LINGO2: variants seen among roughly 807,000 people sequenced by gnomAD.
LINGO2 encodes the protein leucine-rich repeat and immunoglobulin-like domain-containing nogo receptor-interacting protein 2.
A neutral mutation model predicts 30.6 loss-of-function variants in LINGO2; 14 were observed. The ratio of observed to expected loss-of-function variants is 0.46; its 90% CI spans 0.30 to 0.72. LINGO2 has a LOEUF of 0.72. LINGO2 is among the 30% of genes least tolerant of loss of function. LINGO2 has a pLI of 0.07. For missense variants in LINGO2, 729 were observed against 751.7 expected, an observed-to-expected ratio of 0.97 and a Z score of 0.35; for synonymous variants, 317 against 288.5, an observed-to-expected ratio of 1.10 and a Z score of -1.00.
the LINGO2 span, among the ~76,000 whole-genome samples, chr9:28,913,216 T>A: frequency 4.6e-5 from 7 of 152,124 alleles, no homozygotes; most frequent in Non-Finnish European, 7.4e-5. Flanking sequence ...GTTATCATCA[T>A]AATAATTCCA....
intron 4 of LINGO2, among the ~76,000 whole-genome samples, chr9:28,230,362 T>C (rs750573577): frequency 6.6e-6 from 1 of 151,888 alleles, no homozygotes; most frequent in Non-Finnish European, 1.5e-5. Flanking sequence ...GTAATTACAA[T>C]CAAATGACAA....
chr9:28,839,899 G>A, the LINGO2 span, among the ~76,000 whole-genome samples: 81 of 152,234 alleles, frequency 5.3e-4, 2 homozygotes, highest in East Asian at 0.012. Context: ...GGCTAGCACT[G>A]AGCTTCCCTC....
chr9:29,186,781 A>G, the LINGO2 span, among the ~76,000 whole-genome samples: 3 of 152,038 alleles, frequency 2.0e-5, no homozygotes, highest in East Asian at 5.8e-4. Context: ...AGGCAATGCC[A>G]ATTTTCTCAT....
the LINGO2 span, among the ~76,000 whole-genome samples, chr9:28,944,992 C>G: frequency 1.1e-4 from 16 of 152,126 alleles, no homozygotes; most frequent in Non-Finnish European, 2.2e-4. Flanking sequence ...AAGTGTTCAG[C>G]AGCTTAAACA....
At chr9:28,956,555 A>C in the LINGO2 span, among the ~76,000 whole-genome samples, 1 of 146,616 alleles carries the variant, frequency 6.8e-6, no homozygotes, top group South Asian at 2.3e-4. Flanking sequence ...TTTGACAAAT[A>C]TTTCCTTCCT....
At chr9:28,705,353 T>A in the LINGO2 span, among the ~76,000 whole-genome samples, 1 of 152,234 alleles carries the variant, frequency 6.6e-6, no homozygotes, top group South Asian at 2.1e-4. Flanking sequence ...CTATAATCTC[T>A]GTCTTTTAGT....
the LINGO2 span, among the ~76,000 whole-genome samples, chr9:28,860,679 T>C: frequency 1.4e-5 from 1 of 70,010 alleles, no homozygotes; most frequent in Non-Finnish European, 2.6e-5. Flanking sequence ...ATATATTTCA[T>C]ATATATATAT....
At chr9:28,578,950 C>A (rs17776015) in intron 1 of LINGO2, among the ~76,000 whole-genome samples, 5,568 of 152,034 alleles carry the variant, frequency 0.037, 124 homozygotes, top group African/African-American at 0.049. Flanking sequence ...GATGCCATCA[C>A]ATAAATGCAT....
chr9:28,645,763 G>T (rs1827809619), intron 1 of LINGO2, among the ~76,000 whole-genome samples: 1 of 152,058 alleles, frequency 6.6e-6, no homozygotes, highest in Admixed American at 6.6e-5. Flanking sequence ...TCTAATATCA[G>T]ACTATAATCA....
the LINGO2 span, among the ~76,000 whole-genome samples, chr9:29,211,793 C>A: frequency 2.6e-5 from 4 of 152,118 alleles, no homozygotes; most frequent in Admixed American, 6.5e-5. Flanking sequence ...TCAAAGCGGG[C>A]ACAGCAGGTC....
intron 1 of LINGO2, among the ~76,000 whole-genome samples, chr9:28,577,308 C>A (rs997156367): frequency 2.1e-4 from 32 of 152,080 alleles, no homozygotes; most frequent in Non-Finnish European, 7.4e-5. Context: ...TCTTTTCAGA[C>A]TTTTGCATTT....
chr9:28,552,496 A>G (rs1276556740), intron 1 of LINGO2, among the ~76,000 whole-genome samples: 1 of 152,016 alleles, frequency 6.6e-6, no homozygotes, highest in Non-Finnish European at 1.5e-5. Flanking sequence ...AAGCTTAAAT[A>G]TTTCCTTTCT....
rs1041839570 is a variant in LINGO2 at position 27,992,538 on chromosome 9, T to A, written c.-36+19817A>T. Among the ~76,000 whole-genome samples the A allele has an allele frequency of 5.9e-5, 9 of 152,122 alleles. 1 individual carries two copies. The East Asian group carries it at 1.7e-3, about 29-fold the overall frequency. Reference sequence around the variant, plus strand: ...TAAAATAGTTATGTAATGCAGTAAATGTTATAATGAAGGCGAGACTAGGAT... The same window carrying A: ...TAAAATAGTTATGTAATGCAGTAAAAGTTATAATGAAGGCGAGACTAGGAT... On this transcript the variant is annotated intron_variant, in intron 5 of 5. Coordinates refer to ENST00000379992, the Ensembl canonical transcript of LINGO2.
At chr9:28,011,285 T>C (rs1822539978) in intron 5 of LINGO2, among the ~76,000 whole-genome samples, 1 of 152,158 alleles carries the variant, frequency 6.6e-6, no homozygotes, top group African/African-American at 2.4e-5. Flanking sequence ...TAACATTTGT[T>C]TGGAAAAATT....
chr9:28,559,731 A>AT (rs898875683), intron 1 of LINGO2, among the ~76,000 whole-genome samples: 8 of 151,856 alleles, frequency 5.3e-5, no homozygotes, highest in South Asian at 2.1e-4. Flanking sequence ...TTTCTGTTAA[A>AT]TTTTTTTTGT....
At chr9:28,070,178 G>T (rs1825432394) in intron 4 of LINGO2, among the ~76,000 whole-genome samples, 1 of 152,108 alleles carries the variant, frequency 6.6e-6, no homozygotes, top group African/African-American at 2.4e-5. Flanking sequence ...ATTTCTACCA[G>T]CCATGTTATA....
the LINGO2 span, among the ~76,000 whole-genome samples, chr9:29,149,619 G>C: frequency 6.6e-6 from 1 of 151,946 alleles, no homozygotes; most frequent in South Asian, 2.1e-4. Flanking sequence ...TGAGTGAAGG[G>C]ATAGCAGGGC....
intron 4 of LINGO2, among the ~76,000 whole-genome samples, chr9:28,163,674 C>T (rs1284078706): frequency 1.3e-5 from 2 of 152,030 alleles, no homozygotes; most frequent in Non-Finnish European, 2.9e-5. Context: ...CAAAGACTCA[C>T]CAACCAAATC....
At chr9:28,028,772 A>G in intron 4 of LINGO2, among the ~76,000 whole-genome samples, 1 of 152,002 alleles carries the variant, frequency 6.6e-6, no homozygotes, top group East Asian at 1.9e-4. Context: ...AATATTTTTG[A>G]TGAGCAGTTG....
Sources: allele counts gnomAD v4.1 joint callset (sites outside exome capture counted in the v4.1 genomes callset), GRCh38; gene constraint gnomAD v4.1.1; transcripts MANE v1.5; gene names NCBI Gene and HGNC (gene_info 2026-07-23, HGNC 2026-07-21).